PLCE1: variants seen among roughly 807,000 people sequenced by gnomAD.
PLCE1 encodes the protein phospholipase C epsilon 1, also known as 1-phosphatidylinositol 4,5-bisphosphate phosphodiesterase epsilon-1.
A neutral mutation model predicts 242.8 loss-of-function variants in PLCE1; 119 were observed. That is an observed-to-expected ratio of 0.49 (90% CI 0.42 to 0.57). The LOEUF is 0.57. PLCE1 is among the 20% of genes least tolerant of loss of function. The pLI is 0.00. For synonymous variants in PLCE1, 945 were observed against 1,017.4 expected (o/e 0.93, Z 1.35); for missense variants, 2,441 against 2,788.8 (o/e 0.88, Z 2.81).
At chr10:94,083,066 C>T (rs1306512730) in intron 2 of PLCE1, among the ~76,000 whole-genome samples, 7 of 152,076 alleles carry the variant, frequency 4.6e-5, no homozygotes, top group African/African-American at 1.7e-4. Context: ...CTTTTTGCAA[C>T]CAAGCTCCTG....
At chr10:94,274,539 A>G (rs2051874273) in intron 19 of PLCE1, among the ~76,000 whole-genome samples, 1 of 148,750 alleles carries the variant, frequency 6.7e-6, no homozygotes, top group Admixed American at 6.7e-5. Flanking sequence ...TTCTGGGCCA[A>G]AAGTTGCAAA....
intron 4 of PLCE1, among the ~76,000 whole-genome samples, chr10:94,187,616 C>CCA (rs759552566): frequency 6.6e-6 from 1 of 152,024 alleles, no homozygotes; most frequent in Non-Finnish European, 1.5e-5. Context: ...AGCAGCTTGG[C>CCA]CACAGATTCC....
chr10:94,260,250 G>A (rs1453221148), intron 13 of PLCE1, among the ~76,000 whole-genome samples: 2 of 152,110 alleles, frequency 1.3e-5, no homozygotes, highest in Admixed American at 6.6e-5. Context: ...GCCTTCCACA[G>A]GGTACTTCTG....
chr10:94,238,726 T>C (rs1193542904), intron 7 of PLCE1, among the ~76,000 whole-genome samples: 1 of 152,120 alleles, frequency 6.6e-6, no homozygotes, highest in Non-Finnish European at 1.5e-5. Context: ...TGTTGGGAAA[T>C]AGAAATGAGG....
At chr10:94,051,801 C>G (rs1351998961) in intron 2 of PLCE1, among the ~76,000 whole-genome samples, 1 of 152,198 alleles carries the variant, frequency 6.6e-6, no homozygotes, top group Non-Finnish European at 1.5e-5. Context: ...GATCATGTGA[C>G]TCACTACTTG....
At chr10:94,250,119 G>A (rs1355708743) in intron 8 of PLCE1, among the ~76,000 whole-genome samples, 3 of 142,488 alleles carry the variant, frequency 2.1e-5, no homozygotes, top group East Asian at 2.0e-4. Flanking sequence ...GCAAGAGTGC[G>A]AGACTCTGTC....
chr10:94,039,455 C>T (rs2061726718), intron 2 of PLCE1, among the ~76,000 whole-genome samples: 1 of 151,794 alleles, frequency 6.6e-6, no homozygotes, highest in South Asian at 2.1e-4. Context: ...AATCTAGACT[C>T]ACTGCAACCT....
At chr10:94,114,414 T>C (rs1380220066) in intron 2 of PLCE1, among the ~76,000 whole-genome samples, 6 of 152,196 alleles carry the variant, frequency 3.9e-5, no homozygotes, top group Non-Finnish European at 8.8e-5. Context: ...GTCTGATCTC[T>C]AAGCCAAATG....
chr10:94,252,246 A>C, intron 8 of PLCE1, 70 bp from the exon 9 acceptor site: 1 of 1,403,792 alleles, frequency 7.1e-7, no homozygotes, highest in South Asian at 1.2e-5. Context: ...ATTTTCTGGG[A>C]GACATTAATA....
intron 2 of PLCE1, among the ~76,000 whole-genome samples, chr10:94,084,115 C>T (rs760327877): frequency 2.6e-5 from 4 of 152,186 alleles, no homozygotes; most frequent in Admixed American, 6.5e-5. Context: ...GTAAGGAGTG[C>T]GCTTCGACAA....
intron 2 of PLCE1, among the ~76,000 whole-genome samples, chr10:94,087,688 C>T (rs1174585099): frequency 6.6e-6 from 1 of 152,116 alleles, no homozygotes; most frequent in African/African-American, 2.4e-5. Context: ...AGCCATCCTC[C>T]CACTTCGTCC....
chr10:94,095,462 T>A (rs1436653863), intron 2 of PLCE1, among the ~76,000 whole-genome samples: 1 of 152,190 alleles, frequency 6.6e-6, no homozygotes, highest in Non-Finnish European at 1.5e-5. Flanking sequence ...GTTCAAGCGA[T>A]CCTCTCACCT....
At chr10:94,164,731 G>C (rs1393364989) in intron 3 of PLCE1, among the ~76,000 whole-genome samples, 1 of 152,136 alleles carries the variant, frequency 6.6e-6, no homozygotes, top group Non-Finnish European at 1.5e-5. Context: ...AGAATTTTCA[G>C]TTTTGTTGTT....
chr10:94,204,700 AAAGG>A (rs1368112753), intron 4 of PLCE1, among the ~76,000 whole-genome samples: 1 of 150,660 alleles, frequency 6.6e-6, no homozygotes, highest in Non-Finnish European at 1.5e-5. Flanking sequence ...AGGAAGAAAG[AAAGG>A]AAGGAAGAAA....
At chr10:94,171,774 G>A (rs574955946) in intron 4 of PLCE1, among the ~76,000 whole-genome samples, 1 of 152,100 alleles carries the variant, frequency 6.6e-6, no homozygotes, top group East Asian at 1.9e-4. Context: ...CACCCAGAAT[G>A]CCAATCTCCA....
At chr10:94,251,434 A>G (rs183509952) in intron 8 of PLCE1, among the ~76,000 whole-genome samples, 1 of 152,352 alleles carries the variant, frequency 6.6e-6, no homozygotes, top group Admixed American at 6.5e-5. Flanking sequence ...TGGAACTGCA[A>G]AGGAGAGCCA....
Position 94,324,892 on chromosome 10 carries a change from G to C in PLCE1, c.6721G>C (p.Ala2241Pro), listed in dbSNP as rs770345226. ...AATGGAAGGTTCTTTGTTCCCACAG[G>C]CATCTCGAGAAGATAAAAAGAAAGG... is the stretch of plus-strand genomic sequence containing the variant. ...FILKLKEQVQ[A>P]SREDKKKGIS... Residue 2241 changes from alanine to proline, a missense_variant and splice_region_variant, in exon 32 of 33, where the codon GCA becomes CCA. Physicochemically the swap from Ala to Pro is conservative, Grantham distance 27. This residue lies in a region of PLCE1 where 310 missense variants were observed against 317.2 expected (regional missense o/e 0.98). Transcript: ENST00000371380. 1.2e-6 allele frequency: 2 copies of C among 1,613,840 alleles called. No individual in the cohort carries two copies. Among genetic ancestry groups the C allele is most frequent in the South Asian group, 1.1e-5 (1 of 91,076 alleles).
intron 2 of PLCE1, among the ~76,000 whole-genome samples, chr10:94,120,422 A>G (rs1462566710): frequency 2.0e-5 from 3 of 152,074 alleles, no homozygotes; most frequent in Admixed American, 2.0e-4. Flanking sequence ...AAGCCAACTT[A>G]TGTTGGGTCC....
chr10:94,172,041 T>A (rs1378116363), intron 4 of PLCE1, among the ~76,000 whole-genome samples: 1 of 152,136 alleles, frequency 6.6e-6, no homozygotes, highest in East Asian at 1.9e-4. Flanking sequence ...AGCCCCAGAA[T>A]ATCAATCCAA....
Sources: allele counts gnomAD v4.1 joint callset (sites outside exome capture counted in the v4.1 genomes callset), GRCh38; gene constraint gnomAD v4.1.1; regional missense constraint gnomAD v4.1.1; transcripts MANE v1.5; gene names NCBI Gene and HGNC (gene_info 2026-07-23, HGNC 2026-07-21).